The following VTI1B variants were observed in gnomAD, a reference collection of about 807,000 sequenced individuals.
VTI1B encodes the protein vesicle transport through interaction with t-SNAREs homolog 1B.
In VTI1B, 18 loss-of-function variants were observed where a neutral mutation model predicts 28.6. That is an observed-to-expected ratio of 0.63 (90% CI 0.43 to 0.93). VTI1B has a LOEUF of 0.93. VTI1B is among the 40% of genes least tolerant of loss of function. The pLI, the probability that VTI1B is intolerant of heterozygous loss-of-function variation, is 0.00. For synonymous variants in VTI1B, 100 were observed against 107.9 expected, an observed-to-expected ratio of 0.93 and a Z score of 0.46; for missense variants, 283 against 297.0, an observed-to-expected ratio of 0.95 and a Z score of 0.35.
rs2037160952 is a variant in VTI1B at position 67,650,627 on chromosome 14, T to C, written c.*758A>G. 1.6e-6 allele frequency: 2 copies of C among 1,224,586 alleles called. No individual in the cohort carries two copies. The highest frequency in any genetic ancestry group is 3.5e-5 in the Admixed American group (2 of 56,794). The allele number at this position is 1,224,586 out of a possible 1,614,324, so 75.9% of individuals were successfully genotyped here. ...ATAAAATGGACTCTTGTTTTTACTT[T>C]GGCTTGTTCTCCCTGTCCCAGTGGG... On this transcript the variant is annotated 3_prime_UTR_variant, in exon 6 of 6. Coordinates refer to ENST00000554659, the MANE Select transcript of VTI1B (RefSeq NM_006370.3).
intron 1 of VTI1B, among the ~76,000 whole-genome samples, chr14:67,665,448 T>C (rs2037390841): frequency 1.3e-5 from 2 of 151,922 alleles, no homozygotes; most frequent in Admixed American, 6.6e-5. Context: ...ATTTTTTTTT[T>C]GGTAGAGATG....
chr14:67,674,501 C>G lies in VTI1B; in HGVS notation c.-12G>C, dbSNP rs371149132. On this transcript the variant is annotated 5_prime_UTR_variant, in exon 1 of 6. Coordinates refer to ENST00000554659, the MANE Select transcript of VTI1B (RefSeq NM_006370.3). ...GCGGAGGAGGCCATGGCGCAGGCCG[C>G]GCTGGAGCAGCGGCCACCGAGATTC... 6.3e-7 allele frequency: 1 copy of G among 1,583,194 alleles called. No individual in the cohort carries two copies. Among genetic ancestry groups the G allele is most frequent in the Non-Finnish European group, 8.6e-7 (1 of 1,166,310 alleles).
chr14:67,667,256 G>A (rs913069399), intron 1 of VTI1B, among the ~76,000 whole-genome samples: 6 of 152,194 alleles, frequency 3.9e-5, no homozygotes, highest in South Asian at 2.1e-4. Context: ...GCCCAAGAAT[G>A]CCTAATCTTG....
chr14:67,674,393 G>C lies in VTI1B; in HGVS notation c.97C>G (p.Leu33Val). 1.2e-6 allele frequency: 2 copies of C among 1,601,808 alleles called. No homozygotes were observed. The highest frequency in any genetic ancestry group is 1.3e-5 in the African/African-American group (1 of 74,428). Residue 33 changes from leucine to valine, a missense_variant, in exon 1 of 6, where the codon CTG (leucine) becomes GTG (valine). Physicochemically the swap from Leu to Val is conservative, Grantham distance 32 (BLOSUM62 1). Coordinates refer to ENST00000554659, the MANE Select transcript of VTI1B (RefSeq NM_006370.3). ...EDLQGVPERL[L>V]GTAGTEEKKK... is the part of the protein sequence containing the mutation. Reference sequence around the variant, plus strand: ...GCCTCACCGGTCCCCGCCGTCCCCAGCAGCCGCTCGGGCACCCCTTGTAGG... The same window carrying C: ...GCCTCACCGGTCCCCGCCGTCCCCACCAGCCGCTCGGGCACCCCTTGTAGG...
At position 67,647,964 on chromosome 14, in the gene VTI1B, G is replaced by C; in HGVS notation, c.*3421C>G. On this transcript the variant is annotated 3_prime_UTR_variant, in exon 6 of 6. Coordinates refer to ENST00000554659, the MANE Select transcript of VTI1B (RefSeq NM_006370.3). ...GGACTAATAGCAACAAAATCAAGGA[G>C]TTGCAACCATAAGAAGGATGAGTGT... 1 of 1,351,380 alleles carries C rather than the reference G, an allele frequency of 7.4e-7. No homozygotes were observed. The highest frequency in any genetic ancestry group is 1.3e-5 in the South Asian group (1 of 74,348). The allele number at this position is 1,351,380 out of a possible 1,614,324, so 83.7% of individuals were successfully genotyped here.
At chr14:67,651,589 T>C in intron 5 of VTI1B, 108 bp from the exon 6 acceptor site, 1 of 1,246,534 alleles carries the variant, frequency 8.0e-7, no homozygotes, top group Non-Finnish European at 1.1e-6. Flanking sequence ...AGGCTGTATG[T>C]TTGATCACAC....
rs1195784372 is a variant in VTI1B, at chr14:67,659,708, C to A, written c.366+23G>T. 69 of 1,552,612 alleles carry A rather than the reference C, an allele frequency of 4.4e-5. 1 individual carries two copies. The highest frequency in any genetic ancestry group is 5.2e-5 in the Non-Finnish European group (60 of 1,152,298). ...ACAGGCCCTTAAAGGAAAAAAAAAA[C>A]AAACAAAACAGCTAAAACTTACCAT... is the stretch of plus-strand genomic sequence containing the variant. On this transcript the variant is annotated intron_variant, in intron 3 of 5. Transcript: ENST00000554659.
At position 67,656,593 on chromosome 14, in the gene VTI1B, A is replaced by G. The variant is rs1388923195; in HGVS notation, c.367-4T>C. On this transcript the variant is annotated splice_polypyrimidine_tract_variant and splice_region_variant and intron_variant, in intron 3 of 5. Transcript: ENST00000554659. ...CCCTTTGAGACTGTAGCCGATTCTGAAAGAAGTATGGAAGAGAAATGTTAG... is the reference window on the plus strand; with the variant it reads ...CCCTTTGAGACTGTAGCCGATTCTGGAAGAAGTATGGAAGAGAAATGTTAG... The G allele has an allele frequency of 1.3e-6, 2 of 1,598,058 alleles. No individual in the cohort carries two copies. The highest frequency in any genetic ancestry group is 1.7e-6 in the Non-Finnish European group (2 of 1,172,392).
chr14:67,662,801 G>A (rs561652104), intron 1 of VTI1B, among the ~76,000 whole-genome samples: 1 of 151,826 alleles, frequency 6.6e-6, no homozygotes, highest in African/African-American at 2.4e-5. Context: ...CTACTTGGGA[G>A]GCAGAGGTAG....
rs376794861 is a variant in VTI1B at position 67,650,949 on chromosome 14, A to G, written c.*436T>C. ...ACACTGTGCACTGACATGTTTCACAACAGGCATTCCAGAATTATGAGGCAT... is the reference window on the plus strand; with the variant it reads ...ACACTGTGCACTGACATGTTTCACAGCAGGCATTCCAGAATTATGAGGCAT... On this transcript the variant is annotated 3_prime_UTR_variant, in exon 6 of 6. Coordinates refer to ENST00000554659, the MANE Select transcript of VTI1B (RefSeq NM_006370.3). 2 of 1,602,058 alleles carry G rather than the reference A, an allele frequency of 1.2e-6. No homozygotes were observed. Among genetic ancestry groups the G allele is most frequent in the African/African-American group, 2.7e-5 (2 of 74,808 alleles).
Position 67,648,268 on chromosome 14 carries a change from T to C in VTI1B, c.*3117A>G. The C allele has an allele frequency of 2.1e-6, 3 of 1,454,730 alleles. No individual in the cohort carries two copies. The highest frequency in any genetic ancestry group is 2.8e-6 in the Non-Finnish European group (3 of 1,074,866). The allele number at this position is 1,454,730 out of a possible 1,614,324, so 90.1% of individuals were successfully genotyped here. On this transcript the variant is annotated 3_prime_UTR_variant, in exon 6 of 6. Transcript: ENST00000554659. ...TGCCTGCAAAGGATCTTTTCTGCTA[T>C]TCCACATCATTGCAGAGTTTGTTTT...
At chr14:67,666,970 C>G (rs1305076524) in intron 1 of VTI1B, among the ~76,000 whole-genome samples, 2 of 152,158 alleles carry the variant, frequency 1.3e-5, no homozygotes, top group Non-Finnish European at 2.9e-5. Flanking sequence ...CTACAATCAA[C>G]TACAAACAGC....
chr14:67,662,955 TC>T, intron 1 of VTI1B: 1 of 1,189,304 alleles, frequency 8.4e-7, no homozygotes, highest in Non-Finnish European at 1.1e-6. Flanking sequence ...CTGAAACCCC[TC>T]ACCACTCCCA....
intron 1 of VTI1B, among the ~76,000 whole-genome samples, chr14:67,667,737 G>T (rs1374006160): frequency 6.6e-6 from 1 of 152,148 alleles, no homozygotes; most frequent in Non-Finnish European, 1.5e-5. Flanking sequence ...GAGGTCAGGA[G>T]ATCGAGACCA....
intron 1 of VTI1B, among the ~76,000 whole-genome samples, chr14:67,669,690 T>C (rs1415118238): frequency 3.3e-5 from 5 of 152,204 alleles, no homozygotes; most frequent in African/African-American, 7.2e-5. Context: ...TCTCCTCTTA[T>C]GTTTCTTACT....
At chr14:67,662,190 A>AAAC (rs1566814824) in intron 2 of VTI1B, among the ~76,000 whole-genome samples, 6 of 151,728 alleles carry the variant, frequency 4.0e-5, no homozygotes, top group African/African-American at 1.5e-4. Context: ...AAAAAAAAAA[A>AAAC]CAACAGATTT....
chr14:67,674,363 C>CCCCCGCCTCACCGGT lies in VTI1B; in HGVS notation c.112_115+11dup. ...GCTGCGCTCCCCACGGCGTGGCCCACCCCCGCCTCACCGGTCCCCGCCGTC... is the reference window on the plus strand; with the variant it reads ...GCTGCGCTCCCCACGGCGTGGCCCACCCCCGCCTCACCGGTCCCCGCCTCACCGGTCCCCGCCGTC... On this transcript the variant is annotated intron_variant, in intron 1 of 5. Coordinates refer to ENST00000554659, the MANE Select transcript of VTI1B (RefSeq NM_006370.3). 6.3e-7 allele frequency: 1 copy of CCCCCGCCTCACCGGT among 1,580,978 alleles called. No individual in the cohort carries two copies. The highest frequency in any genetic ancestry group is 8.6e-7 in the Non-Finnish European group (1 of 1,165,158).
At chr14:67,656,332 GC>G in intron 4 of VTI1B, 83 bp downstream of exon 4, 1 of 1,303,726 alleles carries the variant, frequency 7.7e-7, no homozygotes, top group Non-Finnish European at 1.0e-6. Context: ...AACTGCTGTA[GC>G]TTTTGGCCTT....
chr14:67,656,506 AT>A lies in VTI1B; in HGVS notation c.449del (p.His150LeufsTer15), dbSNP rs750755524. 6 of 1,613,836 alleles carry A rather than the reference AT, an allele frequency of 3.7e-6. No homozygotes were observed. The highest frequency in any genetic ancestry group is 5.1e-6 in the Non-Finnish European group (6 of 1,179,938). ...NRATQSIERS[H>X]RIATETDQIG... Reference sequence around the variant, plus strand: ...TCTGGTCAGTCTCTGTGGCAATCCGATGAGAACGTTCAATACTTTGGGTGGC... The same window carrying A: ...TCTGGTCAGTCTCTGTGGCAATCCGAGAGAACGTTCAATACTTTGGGTGGC... On this transcript the variant is annotated frameshift_variant, in exon 4 of 6. Coordinates refer to ENST00000554659, the MANE Select transcript of VTI1B (RefSeq NM_006370.3). LOFTEE classifies it high-confidence loss of function.
Sources: gnomAD v4.1 joint callset for allele counts (sites outside exome capture counted in the v4.1 genomes callset) on GRCh38, gnomAD v4.1.1 for gene constraint, MANE v1.5 for transcripts, NCBI Gene and HGNC (gene_info 2026-07-23, HGNC 2026-07-21) for gene names.